Variants in PCMTD1 observed in about 807,000 individuals in gnomAD.
PCMTD1 encodes protein-L-isoaspartate O-methyltransferase domain-containing protein 1.
Under a neutral mutation model 37.6 loss-of-function variants are expected in PCMTD1, and 12 were observed. The ratio of observed to expected loss-of-function variants is 0.32; its 90% CI spans 0.20 to 0.52. The LOEUF (loss-of-function observed/expected upper bound fraction) is 0.52. PCMTD1 is among the 20% of genes least tolerant of loss of function. PCMTD1 has a pLI of 0.97. For missense variants in PCMTD1, 235 were observed against 421.3 expected (o/e 0.56, Z 3.87); for synonymous variants, 117 against 135.8 (o/e 0.86, Z 0.96).
At position 51,817,800 on chromosome 8, in the gene PCMTD1, GGGTTGGTCTGA is replaced by G. The variant is rs1413362663; in HGVS notation, c.*2540_*2550del. On this transcript the variant is annotated 3_prime_UTR_variant, in exon 6 of 6. Coordinates refer to ENST00000522514, the MANE Select transcript of PCMTD1 (RefSeq NM_052937.4). Reference sequence around the variant, plus strand: ...CAGTATAGATTTAAATTATCTTCTTGGGTTGGTCTGAGGTTGCTGATGGATTCTTGGGATTG... The same window carrying G: ...CAGTATAGATTTAAATTATCTTCTTGGGTTGCTGATGGATTCTTGGGATTG... The G allele has an allele frequency of 2.2e-6, 1 of 456,186 alleles. No individual in the cohort carries two copies. Among genetic ancestry groups the G allele is most frequent in the Non-Finnish European group, 4.4e-6 (1 of 226,844 alleles). 28.3% of individuals were successfully genotyped at this position (456,186 alleles called of 1,614,324 possible).
intron 1 of PCMTD1, among the ~76,000 whole-genome samples, chr8:51,890,014 A>C (rs75267748): frequency 6.6e-6 from 1 of 151,304 alleles, no homozygotes; most frequent in African/African-American, 2.5e-5. Flanking sequence ...AAAAAAAAAA[A>C]AGCTTATATA....
At chr8:51,876,562 C>G (rs532768350) in intron 1 of PCMTD1, among the ~76,000 whole-genome samples, 3 of 152,280 alleles carry the variant, frequency 2.0e-5, no homozygotes, top group Non-Finnish European at 4.4e-5. Context: ...AGAAAAGAAA[C>G]TAGGGTTCCT....
chr8:51,844,226 G>T (rs997791980), intron 3 of PCMTD1, among the ~76,000 whole-genome samples: 1 of 152,048 alleles, frequency 6.6e-6, no homozygotes, highest in Non-Finnish European at 1.5e-5. Flanking sequence ...TCTGCCAAAC[G>T]TGCTTTTCTT....
chr8:51,845,805 T>C lies in PCMTD1; in HGVS notation c.308-42A>G, dbSNP rs1238690748. ...ATTTTTATAAAAAATATTAATAATA[T>C]GCCCTTACAGAGCTCTTTTTTAAGT... On this transcript the variant is annotated intron_variant, in intron 2 of 5. Transcript: ENST00000522514. 4 of 1,396,070 alleles carry C rather than the reference T, an allele frequency of 2.9e-6. No individual in the cohort carries two copies. In the African/African-American group the frequency reaches 5.7e-5, roughly 20 times the overall value. 86.5% of individuals were successfully genotyped at this position (1,396,070 alleles called of 1,614,324 possible).
chr8:51,854,916 T>C (rs1359867780), intron 2 of PCMTD1, among the ~76,000 whole-genome samples: 1 of 149,842 alleles, frequency 6.7e-6, no homozygotes, highest in Non-Finnish European at 1.5e-5. Flanking sequence ...GGCTCACGCC[T>C]GTAATCCAAG....
chr8:51,858,158 TTGTTTCTGGATTTG>T (rs1172808840), intron 2 of PCMTD1, among the ~76,000 whole-genome samples: 1 of 152,110 alleles, frequency 6.6e-6, no homozygotes, highest in Admixed American at 6.5e-5. Flanking sequence ...CTCACTGAAT[TTGTTTCTGGATTTG>T]TGTTTCTGGA....
At chr8:51,853,909 C>T (rs2129284059) in intron 2 of PCMTD1, among the ~76,000 whole-genome samples, 1 of 152,076 alleles carries the variant, frequency 6.6e-6, no homozygotes, top group Non-Finnish European at 1.5e-5. Context: ...TTTTTTGTTC[C>T]TCTCTGCAAG....
chr8:51,848,225 A>G (rs1407953594), intron 2 of PCMTD1, among the ~76,000 whole-genome samples: 8 of 151,798 alleles, frequency 5.3e-5, no homozygotes, highest in African/African-American at 7.3e-5. Context: ...TATGTTTCCT[A>G]TAAGACTCTT....
chr8:51,833,464 T>C, intron 4 of PCMTD1, 54 bp downstream of exon 4: 1 of 1,456,488 alleles, frequency 6.9e-7, no homozygotes. Flanking sequence ...TTCTTAACCT[T>C]AAACAAATTT....
chr8:51,875,585 T>C (rs993416744), intron 1 of PCMTD1, among the ~76,000 whole-genome samples: 3 of 152,318 alleles, frequency 2.0e-5, no homozygotes, highest in South Asian at 2.1e-4. Context: ...TTATAAGTCA[T>C]AGTCTAACAG....
At chr8:51,876,061 A>C (rs933315586) in intron 1 of PCMTD1, among the ~76,000 whole-genome samples, 5 of 152,226 alleles carry the variant, frequency 3.3e-5, no homozygotes, top group Admixed American at 2.6e-4. Context: ...ATAGTCCCTG[A>C]TGCCTACCAC....
intron 1 of PCMTD1, among the ~76,000 whole-genome samples, chr8:51,884,488 T>C (rs2038836540): frequency 6.6e-6 from 1 of 152,236 alleles, no homozygotes; most frequent in African/African-American, 2.4e-5. Flanking sequence ...AAGAAAATCC[T>C]AGTGTAGTAA....
intron 1 of PCMTD1, among the ~76,000 whole-genome samples, chr8:51,893,775 G>A (rs1009974243): frequency 6.6e-6 from 1 of 152,038 alleles, no homozygotes; most frequent in African/African-American, 2.4e-5. Context: ...GTTCTGTTGT[G>A]GACACACACA....
intron 5 of PCMTD1, among the ~76,000 whole-genome samples, chr8:51,829,964 T>C (rs1232995131): frequency 6.6e-6 from 1 of 152,168 alleles, no homozygotes; most frequent in Admixed American, 6.5e-5. Flanking sequence ...TAAAGAATTT[T>C]ACCTCATGGT....
At chr8:51,890,547 T>C (rs1422286772) in intron 1 of PCMTD1, among the ~76,000 whole-genome samples, 1 of 152,236 alleles carries the variant, frequency 6.6e-6, no homozygotes, top group Non-Finnish European at 1.5e-5. Context: ...TTTTGAGCTA[T>C]GACATTTCTA....
intron 3 of PCMTD1, among the ~76,000 whole-genome samples, chr8:51,842,119 C>T (rs2038155334): frequency 6.6e-6 from 1 of 152,108 alleles, no homozygotes; most frequent in African/African-American, 2.4e-5. Context: ...TTTAAAATAC[C>T]ATATGTATCA....
intron 1 of PCMTD1, among the ~76,000 whole-genome samples, chr8:51,889,204 T>C (rs1186699802): frequency 6.6e-6 from 1 of 152,244 alleles, no homozygotes; most frequent in East Asian, 1.9e-4. Flanking sequence ...GCTTCTAGGT[T>C]AGGTCCGTCA....
intron 1 of PCMTD1, among the ~76,000 whole-genome samples, chr8:51,875,563 G>A (rs1342827922): frequency 6.6e-6 from 1 of 152,152 alleles, no homozygotes; most frequent in Non-Finnish European, 1.5e-5. Context: ...TTCATATCAA[G>A]TTGTATGTTC....
chr8:51,859,098 C>T (rs1037079356), intron 2 of PCMTD1, among the ~76,000 whole-genome samples: 1 of 152,128 alleles, frequency 6.6e-6, no homozygotes, highest in Admixed American at 6.5e-5. Context: ...TCCCTCAGCA[C>T]GAGCCAGTTG....
Sources: gnomAD v4.1 joint callset for allele counts (sites outside exome capture counted in the v4.1 genomes callset) on GRCh38, gnomAD v4.1.1 for gene constraint, MANE v1.5 for transcripts, NCBI Gene and HGNC (gene_info 2026-07-23, HGNC 2026-07-21) for gene names.